PRAMEF15: variants seen among roughly 807,000 people sequenced by gnomAD.
PRAMEF15 encodes the protein PRAME family member 9/15.
Under a neutral mutation model 35.3 loss-of-function variants are expected in PRAMEF15, and 21 were observed. That is an observed-to-expected ratio of 0.59 (90% CI 0.42 to 0.86). The LOEUF is 0.86. Among genes scored for constraint, PRAMEF15 ranks in the 40% least tolerant of loss-of-function variants. The pLI, the probability that PRAMEF15 is intolerant of heterozygous loss-of-function variation, is 0.00. For synonymous variants in PRAMEF15, 122 were observed against 223.3 expected, an observed-to-expected ratio of 0.55 and a Z score of 4.05; for missense variants, 360 against 574.1, an observed-to-expected ratio of 0.63 and a Z score of 3.81.
chr1:13,320,005 G>A (rs1358136089), intron 3 of PRAMEF15, 52 bp downstream of exon 3: 2 of 1,608,730 alleles, frequency 1.2e-6, no homozygotes, highest in Non-Finnish European at 1.7e-6. Context: ...GCCTGTTACA[G>A]TCAACACTAG....
At chr1:13,320,329 C>A (rs1477975184) in intron 3 of PRAMEF15, among the ~76,000 whole-genome samples, 2 of 152,022 alleles carry the variant, frequency 1.3e-5, no homozygotes, top group African/African-American at 4.8e-5. Context: ...GAGTCTGAGG[C>A]AAGAGGATAG....
At chr1:13,316,113 C>T (rs1639999385) in intron 1 of PRAMEF15, among the ~76,000 whole-genome samples, 1 of 151,430 alleles carries the variant, frequency 6.6e-6, no homozygotes, top group Non-Finnish European at 1.5e-5. Flanking sequence ...AATTCTCATG[C>T]CTCAGTCTCC....
chr1:13,316,877 C>G (rs1174746206), intron 1 of PRAMEF15, among the ~76,000 whole-genome samples: 1 of 151,014 alleles, frequency 6.6e-6, no homozygotes, highest in East Asian at 1.9e-4. Flanking sequence ...CTGTCTCACA[C>G]TCAGGACTTT....
At chr1:13,317,709 A>G (rs1334721134) in intron 1 of PRAMEF15, among the ~76,000 whole-genome samples, 20 of 151,598 alleles carry the variant, frequency 1.3e-4, no homozygotes, top group Middle Eastern at 6.3e-3. Context: ...CTGGGAGGTC[A>G]AGGCTGCACT....
At chr1:13,320,846 A>T (rs1640074628) in intron 3 of PRAMEF15, among the ~76,000 whole-genome samples, 1 of 152,172 alleles carries the variant, frequency 6.6e-6, no homozygotes, top group African/African-American at 2.4e-5. Flanking sequence ...TTTTGTGAAC[A>T]TGAATGATCC....
At chr1:13,320,943 C>G (rs1640075631) in intron 3 of PRAMEF15, among the ~76,000 whole-genome samples, 1 of 152,018 alleles carries the variant, frequency 6.6e-6, no homozygotes, top group Admixed American at 6.6e-5. Context: ...AACAGAGGGT[C>G]AGGGAGCAGG....
intron 1 of PRAMEF15, among the ~76,000 whole-genome samples, chr1:13,317,629 G>A (rs1640023437): frequency 6.6e-6 from 1 of 151,686 alleles, no homozygotes; most frequent in South Asian, 2.1e-4. Flanking sequence ...AATAGAAGAT[G>A]AGCTGGGTGT....
At chr1:13,320,721 G>C (rs1416889312) in intron 3 of PRAMEF15, among the ~76,000 whole-genome samples, 1 of 152,098 alleles carries the variant, frequency 6.6e-6, no homozygotes, top group Admixed American at 6.6e-5. Context: ...ACCACGCCCA[G>C]CCAACAAGAT....
chr1:13,318,053 A>T (rs1447675386), intron 1 of PRAMEF15, among the ~76,000 whole-genome samples: 4 of 152,054 alleles, frequency 2.6e-5, no homozygotes, highest in African/African-American at 7.2e-5. Context: ...TGACACTCCC[A>T]TTCCCATTGT....
In PRAMEF15 at chr1:13,316,465, C is replaced by T. The variant is rs1316470721; in HGVS notation, c.-17+807C>T. Among the ~76,000 whole-genome samples, 246 of 151,656 alleles carry T rather than the reference C, an allele frequency of 1.6e-3. 8 individuals carry two copies. Among genetic ancestry groups the T allele is most frequent in the African/African-American group, 5.7e-3 (232 of 41,050 alleles). ...AAATCAATCAAAAAGGATCTTTGACCGTAATTTTAAACCAATCACATCCTC... is the reference window on the plus strand; with the variant it reads ...AAATCAATCAAAAAGGATCTTTGACTGTAATTTTAAACCAATCACATCCTC... On this transcript the variant is annotated intron_variant, in intron 1 of 3. Coordinates refer to ENST00000376152, the MANE Select transcript of PRAMEF15 (RefSeq NM_001098376.3).
rs1433128362 is a variant in PRAMEF15 at position 13,321,711 on chromosome 1, A to G, written c.884A>G (p.Lys295Arg). 51 of 1,607,600 alleles carry G rather than the reference A, an allele frequency of 3.2e-5. 2 individuals carry two copies. The highest frequency in any genetic ancestry group is 3.3e-4 in the Middle Eastern group (2 of 6,058). Reference protein sequence around the residue: ...GHLDQLLSCLKTSLKVLTITN... With the variant: ...GHLDQLLSCLRTSLKVLTITN... ...TTGCTCTCTCTCCCCAGCTGTCTGA[A>G]GACCTCGTTAAAAGTCCTCACAATA... is the stretch of plus-strand genomic sequence containing the variant. Residue 295 changes from lysine (K) to arginine (R), a missense_variant, in exon 4 of 4, where the codon AAG becomes AGG. This residue lies in a region of PRAMEF15 where 72 missense variants were observed against 79.9 expected (regional missense o/e 0.90). Transcript: ENST00000376152.
In PRAMEF15 at chr1:13,318,035, T is replaced by C. The variant is rs1222600878; in HGVS notation, c.-16-357T>C. On this transcript the variant is annotated intron_variant, in intron 1 of 3. Coordinates refer to ENST00000376152, the MANE Select transcript of PRAMEF15 (RefSeq NM_001098376.3). ...TGTAGGAACTGAAAATGTGGGCATGTAGGCTTGTGACACTCCCATTCCCAT... is the reference window on the plus strand; with the variant it reads ...TGTAGGAACTGAAAATGTGGGCATGCAGGCTTGTGACACTCCCATTCCCAT... 2.1e-3 allele frequency among the ~76,000 whole-genome samples: 317 copies of C among 152,212 alleles called. 3 individuals carry two copies. The highest frequency in any genetic ancestry group is 7.3e-3 in the African/African-American group (303 of 41,538).
Position 13,319,368 on chromosome 1 carries a change from A to C in PRAMEF15, c.294-4A>C. ...TTCTCAGTCTCACCTCTATTTTGCC[A>C]CAGGAGGTGGAAACTCCAAGTGCTG... On this transcript the variant is annotated splice_polypyrimidine_tract_variant and splice_region_variant and intron_variant, in intron 2 of 3. Transcript: ENST00000376152. The C allele has an allele frequency of 6.2e-7, 1 of 1,610,442 alleles. No homozygotes were observed. Among genetic ancestry groups the C allele is most frequent in the Non-Finnish European group, 8.5e-7 (1 of 1,179,792 alleles).
Position 13,322,159 on chromosome 1 carries a change from G to A in PRAMEF15, c.1332G>A (p.Val444=). 2.5e-6 allele frequency: 4 copies of A among 1,609,518 alleles called. No homozygotes were observed. The highest frequency in any genetic ancestry group is 1.3e-5 in the African/African-American group (1 of 74,226). ...TTAGGGCTGAGCTGATGAACAGAGT[G>A]AGGGACTTAAGGCACCCCAAGAGGA... ...AQIRAELMNR[V]RDLRHPKRIL... Residue 444 remains valine, a synonymous_variant, in exon 4 of 4, where the codon GTG becomes GTA. Coordinates refer to ENST00000376152, the MANE Select transcript of PRAMEF15 (RefSeq NM_001098376.3).
At chr1:13,319,065 G>T (rs1164254691) in intron 2 of PRAMEF15, among the ~76,000 whole-genome samples, 1 of 151,912 alleles carries the variant, frequency 6.6e-6, no homozygotes, top group Non-Finnish European at 1.5e-5. Context: ...ATGGTGGTGG[G>T]TTCCTGTAAT....
intron 3 of PRAMEF15, among the ~76,000 whole-genome samples, chr1:13,320,646 A>C (rs1355860690): frequency 6.6e-6 from 1 of 151,754 alleles, no homozygotes; most frequent in Admixed American, 6.6e-5. Flanking sequence ...TTATTCTCCA[A>C]CTCCTGACTT....
At chr1:13,316,940 G>C (rs1434453296) in intron 1 of PRAMEF15, among the ~76,000 whole-genome samples, 2 of 149,456 alleles carry the variant, frequency 1.3e-5, no homozygotes, top group Non-Finnish European at 2.9e-5. Context: ...CAGTGAATGA[G>C]TCCTGGACTT....
rs1334195515 is a variant in PRAMEF15, at chr1:13,322,113, G to A, written c.1286G>A (p.Cys429Tyr). Reference sequence around the variant, plus strand: ...AGTTATGGTGCTGATGGTACTCTCTGCTGGAGCAGATTTGCTCAAATTAGG... The same window carrying A: ...AGTTATGGTGCTGATGGTACTCTCTACTGGAGCAGATTTGCTCAAATTAGG... ...RESYGADGTL[C>Y]WSRFAQIRAE... The change falls in exon 4 of 4, where the codon TGC (cysteine) becomes TAC (tyrosine). Residue 429 changes from cysteine to tyrosine, a missense_variant. By Grantham distance (194) the Cys-to-Tyr change is radical (BLOSUM62 -2). Transcript: ENST00000376152. 87 of 1,609,166 alleles carry A rather than the reference G, an allele frequency of 5.4e-5. 1 individual carries two copies. The African/African-American group carries it at 1.0e-3, about 19-fold the overall frequency.
chr1:13,317,738 T>C (rs1355396877), intron 1 of PRAMEF15, among the ~76,000 whole-genome samples: 1 of 150,990 alleles, frequency 6.6e-6, no homozygotes, highest in African/African-American at 2.4e-5. Flanking sequence ...ATCCCACCAC[T>C]ACACTCCAGG....
Sources: gnomAD v4.1 joint callset for allele counts (sites outside exome capture counted in the v4.1 genomes callset) on GRCh38, gnomAD v4.1.1 for gene constraint, gnomAD v4.1.1 regional missense constraint, MANE v1.5 for transcripts, NCBI Gene and HGNC (gene_info 2026-07-23, HGNC 2026-07-21) for gene names.